UVRAG: variants seen among roughly 807,000 people sequenced by gnomAD.
UVRAG encodes UV radiation resistance associated.
A neutral mutation model predicts 78.0 loss-of-function variants in UVRAG; 19 were observed. That is an observed-to-expected ratio of 0.24 (90% CI 0.17 to 0.36). The LOEUF is 0.36. Among genes scored for constraint, UVRAG ranks in the 10% least tolerant of loss-of-function variants. The pLI is 1.00. For synonymous variants in UVRAG, 323 were observed against 324.6 expected (o/e 1.00, Z 0.05); for missense variants, 740 against 853.8 (o/e 0.87, Z 1.66).
intron 14 of UVRAG, among the ~76,000 whole-genome samples, chr11:76,127,515 G>A (rs944538865): frequency 6.6e-6 from 1 of 151,784 alleles, no homozygotes; most frequent in African/African-American, 2.4e-5. Flanking sequence ...GCCGGGTGTG[G>A]TGGTACACGC....
intron 12 of UVRAG, among the ~76,000 whole-genome samples, chr11:76,029,413 G>C (rs1230491295): frequency 6.6e-6 from 1 of 152,062 alleles, no homozygotes; most frequent in Non-Finnish European, 1.5e-5. Context: ...TGATTCCTCT[G>C]ATGGATCTGG....
chr11:76,063,738 G>C (rs771806708), intron 12 of UVRAG, among the ~76,000 whole-genome samples: 13 of 151,902 alleles, frequency 8.6e-5, no homozygotes, highest in Admixed American at 2.0e-4. Flanking sequence ...TGGTGTTATG[G>C]ACCTGCTTCT....
rs145028103 is a variant in UVRAG at position 76,141,612 on chromosome 11, T to A, written c.*199T>A. On this transcript the variant is annotated 3_prime_UTR_variant, in exon 15 of 15. Transcript: ENST00000356136. ...CCAAAGTTAGATTTTGCTTTCAAGA[T>A]TTGCTTTTCGGGCCTGATGATTTTA... 38 of 644,460 alleles carry A rather than the reference T, an allele frequency of 5.9e-5. No homozygotes were observed. The highest frequency in any genetic ancestry group is 5.8e-4 in the African/African-American group (32 of 54,870). 39.9% of individuals were successfully genotyped at this position (644,460 alleles called of 1,614,324 possible).
At chr11:75,912,163 G>A (rs1397356038) in intron 6 of UVRAG, 124 bp downstream of exon 6, 1 of 663,950 alleles carries the variant, frequency 1.5e-6, no homozygotes, top group South Asian at 2.0e-5. Context: ...GCATTTTTTA[G>A]TGCAAGCGTC....
chr11:75,837,727 G>A (rs6592615), intron 1 of UVRAG: 29,209 of 152,048 alleles, frequency 0.19, 4,247 homozygotes, highest in African/African-American at 0.41. Context: ...GCCTGCTGTA[G>A]ATTCAAAGTA....
chr11:75,833,699 A>G (rs950392417), intron 1 of UVRAG, among the ~76,000 whole-genome samples: 7 of 152,250 alleles, frequency 4.6e-5, no homozygotes, highest in Non-Finnish European at 8.8e-5. Context: ...AGCCAGTGAT[A>G]AGCATTGTTT....
At position 75,933,785 on chromosome 11, in the gene UVRAG, C is replaced by G. The variant is rs549488674; in HGVS notation, c.593+21746C>G. Among the ~76,000 whole-genome samples, 18 of 152,276 alleles carry G rather than the reference C, an allele frequency of 1.2e-4. No homozygotes were observed. The East Asian group carries it at 3.3e-3, about 28-fold the overall frequency. On this transcript the variant is annotated intron_variant, in intron 6 of 14. Transcript: ENST00000356136. Reference sequence around the variant, plus strand: ...CACTGATCATCAGAGAAATGCAGATCAAAACTACAATGAGATATTATCTCA... The same window carrying G: ...CACTGATCATCAGAGAAATGCAGATGAAAACTACAATGAGATATTATCTCA...
Position 76,027,288 on chromosome 11 carries a change from C to G in UVRAG, c.1226+10308C>G, listed in dbSNP as rs140658550. Among the ~76,000 whole-genome samples, 25 of 152,214 alleles carry G rather than the reference C, an allele frequency of 1.6e-4. No homozygotes were observed. The East Asian group carries it at 4.2e-3, about 26-fold the overall frequency. ...CTTTTCCTGATTTAGGGAAAGCACT[C>G]TTGTAAAGAATGCAGAAATGTGAAT... On this transcript the variant is annotated intron_variant, in intron 12 of 14. Transcript: ENST00000356136.
intron 1 of UVRAG, among the ~76,000 whole-genome samples, chr11:75,847,984 G>T (rs1000586984): frequency 2.3e-5 from 3 of 132,628 alleles, no homozygotes; most frequent in African/African-American, 9.6e-5. Context: ...AAAAAAAAAA[G>T]AAAAAAGGAT....
chr11:76,031,393 AGAG>A (rs1950435679), intron 12 of UVRAG, among the ~76,000 whole-genome samples: 1 of 152,212 alleles, frequency 6.6e-6, no homozygotes, highest in Admixed American at 6.5e-5. Context: ...TTCCGCTGAG[AGAG>A]GAGAAATGTG....
chr11:76,081,580 A>G (rs1026666480), intron 13 of UVRAG, among the ~76,000 whole-genome samples: 3 of 151,924 alleles, frequency 2.0e-5, no homozygotes, highest in Admixed American at 2.0e-4. Flanking sequence ...TAATCTTTTC[A>G]TTTCCTTCTA....
In UVRAG at chr11:76,039,731, C is replaced by T. The variant is rs559098363; in HGVS notation, c.1226+22751C>T. On this transcript the variant is annotated intron_variant, in intron 12 of 14. Coordinates refer to ENST00000356136, the MANE Select transcript of UVRAG (RefSeq NM_003369.4). ...CTCTACTAAAAACACAAAAATTAGC[C>T]GGATGTGGGGGTGGGCACCTGTAGT... 5.3e-5 allele frequency among the ~76,000 whole-genome samples: 8 copies of T among 152,168 alleles called. No individual in the cohort carries two copies. The South Asian group carries it at 6.2e-4, about 12-fold the overall frequency.
intron 5 of UVRAG, chr11:75,892,182 A>G (rs1191762057): frequency 4.0e-6 from 1 of 250,128 alleles, no homozygotes; most frequent in African/African-American, 2.3e-5. Context: ...GTGGTTAGAC[A>G]GGTTGTTTCT....
In UVRAG at chr11:75,896,830, C is replaced by T. The variant is rs77504889; in HGVS notation, c.507+7927C>T. Reference sequence around the variant, plus strand: ...TATGTAACTCATATTGGCATAATTACTCCAACTTTTGTGCTATTGATAAGG... The same window carrying T: ...TATGTAACTCATATTGGCATAATTATTCCAACTTTTGTGCTATTGATAAGG... On this transcript the variant is annotated intron_variant, in intron 5 of 14. Transcript: ENST00000356136. Among the ~76,000 whole-genome samples the T allele has an allele frequency of 1.6e-3, 248 of 152,314 alleles. 3 individuals carry two copies. In the East Asian group the frequency reaches 0.042, roughly 26 times the overall value.
intron 13 of UVRAG, among the ~76,000 whole-genome samples, chr11:76,078,752 C>CAAAAAAAA (rs61700855): frequency 8.1e-5 from 3 of 37,202 alleles, no homozygotes; most frequent in African/African-American, 1.4e-4. Flanking sequence ...ACTAAAAATA[C>CAAAAAAAA]AAAAAAAAAA....
At chr11:76,099,323 G>T (rs559673545) in intron 13 of UVRAG, among the ~76,000 whole-genome samples, 1 of 152,020 alleles carries the variant, frequency 6.6e-6, no homozygotes, top group Non-Finnish European at 1.5e-5. Context: ...TTATTTTCTT[G>T]TTCTGTGCCT....
intron 14 of UVRAG, among the ~76,000 whole-genome samples, chr11:76,116,502 G>A (rs1214516889): frequency 6.6e-6 from 1 of 152,246 alleles, no homozygotes; most frequent in African/African-American, 2.4e-5. Context: ...TGTGTGTGGT[G>A]TCAGTACCTG....
At chr11:75,942,105 G>C (rs893024954) in intron 6 of UVRAG, 5 of 152,248 alleles carry the variant, frequency 3.3e-5, no homozygotes, top group South Asian at 4.1e-4. Context: ...TTTGAAAATA[G>C]TTAAGGGAAA....
At chr11:76,064,405 C>G (rs1951149676) in intron 12 of UVRAG, among the ~76,000 whole-genome samples, 1 of 152,168 alleles carries the variant, frequency 6.6e-6, no homozygotes, top group Admixed American at 6.5e-5. Context: ...CTTGCAACAG[C>G]CTGGTGTTAC....
Sources: gnomAD v4.1 joint callset for allele counts (sites outside exome capture counted in the v4.1 genomes callset) on GRCh38, gnomAD v4.1.1 for gene constraint, MANE v1.5 for transcripts, NCBI Gene and HGNC (gene_info 2026-07-23, HGNC 2026-07-21) for gene names.